The following MAP3K9 variants were observed in gnomAD, a reference collection of about 807,000 sequenced individuals.
The protein encoded by MAP3K9 is mitogen-activated protein kinase kinase kinase 9, also known as mixed lineage kinase 1 (tyr and ser/thr specificity).
In MAP3K9, 46 loss-of-function variants were observed where a neutral mutation model predicts 95.8. The observed-to-expected ratio is 0.48, with a 90% confidence interval of 0.38 to 0.61. MAP3K9 has a LOEUF of 0.61. Among genes scored for constraint, MAP3K9 ranks in the 20% least tolerant of loss-of-function variants. The pLI is 0.00. For missense variants in MAP3K9, 1,296 were observed against 1,474.3 expected, an observed-to-expected ratio of 0.88 and a Z score of 1.98; for synonymous variants, 533 against 593.8, an observed-to-expected ratio of 0.90 and a Z score of 1.49.
intron 2 of MAP3K9, among the ~76,000 whole-genome samples, chr14:70,794,382 C>T (rs1000291574): frequency 6.6e-6 from 1 of 152,182 alleles, no homozygotes; most frequent in Admixed American, 6.5e-5. Flanking sequence ...AAAGTGGATG[C>T]TGTGGCCTTG....
At chr14:70,781,665 T>G (rs971962804) in intron 2 of MAP3K9, among the ~76,000 whole-genome samples, 10 of 152,226 alleles carry the variant, frequency 6.6e-5, no homozygotes, top group Non-Finnish European at 1.2e-4. Context: ...TGCTAAGGGT[T>G]TACACACATA....
Position 70,798,951 on chromosome 14 carries a change from C to T in MAP3K9, c.820+1716G>A, listed in dbSNP as rs568243422. Among the ~76,000 whole-genome samples the T allele has an allele frequency of 4.6e-5, 7 of 152,184 alleles. No individual in the cohort carries two copies. In the East Asian group the frequency reaches 1.3e-3, roughly 29 times the overall value. On this transcript the variant is annotated intron_variant, in intron 2 of 11. Transcript: ENST00000554752. ...TAAAATACATATCTAATGTTCCATA[C>T]CCTTACAAGAAGGAGTTTTTCTATT...
chr14:70,763,383 G>T (rs2054400881), intron 2 of MAP3K9, among the ~76,000 whole-genome samples: 1 of 152,172 alleles, frequency 6.6e-6, no homozygotes, highest in Non-Finnish European at 1.5e-5. Context: ...TAATGTCATG[G>T]CACCATGTAT....
At chr14:70,731,396 C>T (rs1473275698) in intron 11 of MAP3K9, among the ~76,000 whole-genome samples, 1 of 152,072 alleles carries the variant, frequency 6.6e-6, no homozygotes, top group Non-Finnish European at 1.5e-5. Context: ...CTGCAGTGAG[C>T]TGTGATCACA....
chr14:70,734,205 G>A (rs985609835), intron 10 of MAP3K9, among the ~76,000 whole-genome samples, 181 bp downstream of exon 10: 4 of 152,150 alleles, frequency 2.6e-5, no homozygotes, highest in Non-Finnish European at 5.9e-5. Flanking sequence ...GACTAATACC[G>A]GCCCCTTAAT....
chr14:70,785,777 G>A (rs148624099), intron 2 of MAP3K9, among the ~76,000 whole-genome samples: 4 of 152,304 alleles, frequency 2.6e-5, no homozygotes, highest in Non-Finnish European at 5.9e-5. Context: ...TGGACAGGAT[G>A]TGATTCACAT....
At chr14:70,759,449 T>A (rs2054340580) in intron 3 of MAP3K9, among the ~76,000 whole-genome samples, 1 of 151,944 alleles carries the variant, frequency 6.6e-6, no homozygotes, top group Non-Finnish European at 1.5e-5. Flanking sequence ...CTCAAAAAAA[T>A]AAATAAATAA....
intron 6 of MAP3K9, among the ~76,000 whole-genome samples, chr14:70,741,844 G>A (rs1238923018): frequency 6.6e-6 from 1 of 152,172 alleles, no homozygotes; most frequent in African/African-American, 2.4e-5. Flanking sequence ...CTGCTCGGGG[G>A]CCTGGGGCAG....
At chr14:70,736,053 T>C (rs544154191) in intron 8 of MAP3K9, 24 bp from the exon 9 acceptor site, 4 of 1,533,516 alleles carry the variant, frequency 2.6e-6, no homozygotes, top group Non-Finnish European at 9.0e-7. Flanking sequence ...AGAGAATCAG[T>C]AGCAGGCAAT....
At chr14:70,778,937 G>A (rs1220599641) in intron 2 of MAP3K9, among the ~76,000 whole-genome samples, 5 of 152,186 alleles carry the variant, frequency 3.3e-5, no homozygotes, top group Admixed American at 1.3e-4. Flanking sequence ...AGAATGTACA[G>A]AGGAAGGGGC....
chr14:70,784,089 G>C lies in MAP3K9; in HGVS notation c.820+16578C>G, dbSNP rs532232899. The stretch of plus-strand genomic sequence containing the variant: ...GCCTGAAGTCAGGAGTTCGAGACCA[G>C]CTTGACCAACATGGTGAAATTGCAC... On this transcript the variant is annotated intron_variant, in intron 2 of 11. Transcript: ENST00000554752. 5.9e-5 allele frequency among the ~76,000 whole-genome samples: 9 copies of C among 152,162 alleles called. No homozygotes were observed. The East Asian group carries it at 1.4e-3, about 23-fold the overall frequency.
At chr14:70,795,627 T>C (rs1408112907) in intron 2 of MAP3K9, among the ~76,000 whole-genome samples, 1 of 152,034 alleles carries the variant, frequency 6.6e-6, no homozygotes, top group Non-Finnish European at 1.5e-5. Context: ...CTGCATTTTC[T>C]AAGAGAAGGA....
At chr14:70,794,627 A>G (rs904561038) in intron 2 of MAP3K9, among the ~76,000 whole-genome samples, 3 of 152,032 alleles carry the variant, frequency 2.0e-5, no homozygotes, top group Non-Finnish European at 4.4e-5. Flanking sequence ...GAAAAACTGG[A>G]AAAACACACA....
chr14:70,792,475 C>T lies in MAP3K9; in HGVS notation c.820+8192G>A, dbSNP rs570478948. Among the ~76,000 whole-genome samples the T allele has an allele frequency of 5.3e-5, 8 of 152,314 alleles. No individual in the cohort carries two copies. In the East Asian group the frequency reaches 1.5e-3, roughly 29 times the overall value. ...TCATTTACTTACCTCTCAAAAAGGA[C>T]CAAGACTTGGGTTTTCCAGATGATA... On this transcript the variant is annotated intron_variant, in intron 2 of 11. Transcript: ENST00000554752.
chr14:70,777,311 G>A (rs1406693619), intron 2 of MAP3K9, among the ~76,000 whole-genome samples: 1 of 152,160 alleles, frequency 6.6e-6, no homozygotes, highest in Non-Finnish European at 1.5e-5. Flanking sequence ...CATCCCCAGA[G>A]CAGCAGAAAG....
intron 2 of MAP3K9, among the ~76,000 whole-genome samples, chr14:70,774,474 C>G (rs1769955562): frequency 6.7e-6 from 1 of 149,874 alleles, no homozygotes; most frequent in Admixed American, 6.6e-5. Flanking sequence ...ACCAGCCTGG[C>G]CAACATGGTG....
chr14:70,789,968 G>C (rs1439996861), intron 2 of MAP3K9, among the ~76,000 whole-genome samples: 1 of 152,170 alleles, frequency 6.6e-6, no homozygotes, highest in Non-Finnish European at 1.5e-5. Context: ...AAAAAAGTGA[G>C]CAGGAAGCAA....
chr14:70,786,402 T>C (rs771759500), intron 2 of MAP3K9, among the ~76,000 whole-genome samples: 2 of 152,122 alleles, frequency 1.3e-5, no homozygotes, highest in Non-Finnish European at 2.9e-5. Flanking sequence ...GTCTACTGCT[T>C]AAGAAATAAA....
At chr14:70,733,654 G>T in intron 10 of MAP3K9, 1 of 708,410 alleles carries the variant, frequency 1.4e-6, no homozygotes, top group African/African-American at 1.7e-5. Context: ...TGGACTGAGG[G>T]ATGCCTGCAT....
Sources: gnomAD v4.1 joint callset for allele counts (sites outside exome capture counted in the v4.1 genomes callset) on GRCh38, gnomAD v4.1.1 for gene constraint, MANE v1.5 for transcripts, NCBI Gene and HGNC (gene_info 2026-07-23, HGNC 2026-07-21) for gene names.